CACNA2D3: variants seen among roughly 807,000 people sequenced by gnomAD.
CACNA2D3 encodes voltage-dependent calcium channel subunit alpha-2/delta-3.
A neutral mutation model predicts 160.6 loss-of-function variants in CACNA2D3; 60 were observed. That is an observed-to-expected ratio of 0.37 (90% CI 0.30 to 0.46). The LOEUF (loss-of-function observed/expected upper bound fraction) is 0.46, where lower values mean the gene tolerates loss of function less well. CACNA2D3 is among the 20% of genes least tolerant of loss of function. CACNA2D3 has a pLI of 1.00. For missense variants in CACNA2D3, 1,205 were observed against 1,365.0 expected, an observed-to-expected ratio of 0.88 and a Z score of 1.85; for synonymous variants, 558 against 492.9, an observed-to-expected ratio of 1.13 and a Z score of -1.75.
At chr3:55,022,225 T>C (rs1264726985) in intron 35 of CACNA2D3, among the ~76,000 whole-genome samples, 2 of 152,066 alleles carry the variant, frequency 1.3e-5, no homozygotes, top group Non-Finnish European at 2.9e-5. Context: ...ACCCTCTTTA[T>C]ACATGAAAGT....
rs756941725 is a variant in CACNA2D3, at chr3:55,038,907, T to TAC, written c.2987+20597_2987+20598dup. 6.0e-3 allele frequency among the ~76,000 whole-genome samples: 680 copies of TAC among 112,830 alleles called. 12 individuals are homozygous for TAC. Among genetic ancestry groups the TAC allele is most frequent in the African/African-American group, 0.019 (587 of 31,256 alleles). 74.0% of individuals were successfully genotyped at this position (112,830 alleles called of 152,430 possible). ...ATATATATATATATATATATATATA[T>TAC]ACACACACTGAATATATAAATATTA... On this transcript the variant is annotated intron_variant, in intron 35 of 37. Transcript: ENST00000474759.
intron 2 of CACNA2D3, among the ~76,000 whole-genome samples, chr3:54,215,247 A>G (rs1701439967): frequency 6.6e-6 from 1 of 152,240 alleles, no homozygotes; most frequent in Non-Finnish European, 1.5e-5. Flanking sequence ...ACACAATGTG[A>G]TGTTTTGATT....
intron 4 of CACNA2D3, among the ~76,000 whole-genome samples, chr3:54,461,615 T>A (rs1700506217): frequency 6.6e-6 from 1 of 151,882 alleles, no homozygotes; most frequent in Non-Finnish European, 1.5e-5. Flanking sequence ...GTGGAATCGG[T>A]GGTGATATCC....
intron 11 of CACNA2D3, among the ~76,000 whole-genome samples, chr3:54,679,082 C>CA (rs1301750645): frequency 6.6e-6 from 1 of 152,150 alleles, no homozygotes; most frequent in African/African-American, 2.4e-5. Context: ...GTCAGCCAGG[C>CA]AGCCCCTCTC....
chr3:54,809,520 T>A (rs1451745077), intron 13 of CACNA2D3, among the ~76,000 whole-genome samples: 2 of 144,612 alleles, frequency 1.4e-5, no homozygotes, highest in East Asian at 4.0e-4. Flanking sequence ...GGGTTTCACC[T>A]TGTTAGCCAG....
intron 3 of CACNA2D3, among the ~76,000 whole-genome samples, chr3:54,376,106 G>A (rs539160881): frequency 1.3e-5 from 2 of 152,076 alleles, no homozygotes; most frequent in East Asian, 1.9e-4. Flanking sequence ...GAGACCTCCC[G>A]CTGCACACAG....
At chr3:54,807,012 T>C (rs1429118863) in intron 13 of CACNA2D3, among the ~76,000 whole-genome samples, 1 of 152,204 alleles carries the variant, frequency 6.6e-6, no homozygotes, top group Non-Finnish European at 1.5e-5. Flanking sequence ...TGGAGAAAGC[T>C]GAAACTGGAT....
In CACNA2D3 at chr3:54,547,555, G is replaced by A. The variant is rs143943468; in HGVS notation, c.545-15245G>A. 4.6e-4 allele frequency among the ~76,000 whole-genome samples: 70 copies of A among 151,900 alleles called. No individual in the cohort carries two copies. In the Middle Eastern group the frequency reaches 0.01, roughly 22 times the overall value. The stretch of plus-strand genomic sequence containing the variant: ...GAGAGCTAGAAATGCCCTTTGTTAC[G>A]TGGCCACATCTACAGTTTTATGTTT... On this transcript the variant is annotated intron_variant, in intron 5 of 37. Coordinates refer to ENST00000474759, the MANE Select transcript of CACNA2D3 (RefSeq NM_018398.3).
intron 2 of CACNA2D3, among the ~76,000 whole-genome samples, chr3:54,319,200 ACCC>A (rs1559448357): frequency 2.5e-4 from 26 of 105,006 alleles, no homozygotes; most frequent in African/African-American, 8.7e-4. Context: ...ACACACACAC[ACCC>A]TTCCTCGAGT....
intron 4 of CACNA2D3, among the ~76,000 whole-genome samples, chr3:54,421,058 C>G (rs1396434257): frequency 6.6e-6 from 1 of 152,172 alleles, no homozygotes; most frequent in African/African-American, 2.4e-5. Flanking sequence ...TCTGTATTTC[C>G]TAGTCACCCT....
chr3:54,381,901 T>C (rs186328489), intron 3 of CACNA2D3, among the ~76,000 whole-genome samples: 2 of 152,344 alleles, frequency 1.3e-5, no homozygotes, highest in East Asian at 1.9e-4. Flanking sequence ...GTGCATCAAC[T>C]CATGAATTAC....
intron 11 of CACNA2D3, among the ~76,000 whole-genome samples, chr3:54,716,167 T>C (rs1701046657): frequency 6.6e-6 from 1 of 152,190 alleles, no homozygotes; most frequent in African/African-American, 2.4e-5. Context: ...AAAATAATAC[T>C]ATGTTCCCAT....
At chr3:54,808,215 T>A (rs551527353) in intron 13 of CACNA2D3, among the ~76,000 whole-genome samples, 3 of 152,096 alleles carry the variant, frequency 2.0e-5, no homozygotes, top group East Asian at 3.9e-4. Context: ...TAATAATTTT[T>A]AAAAAATAAA....
chr3:55,030,028 A>ATTC (rs1457642259), intron 35 of CACNA2D3, among the ~76,000 whole-genome samples: 1 of 152,130 alleles, frequency 6.6e-6, no homozygotes, highest in Non-Finnish European at 1.5e-5. Flanking sequence ...CAGTGGTCAT[A>ATTC]TTCTTCCCTT....
At chr3:54,417,465 T>C (rs1699771140) in intron 4 of CACNA2D3, among the ~76,000 whole-genome samples, 1 of 152,214 alleles carries the variant, frequency 6.6e-6, no homozygotes, top group Non-Finnish European at 1.5e-5. Context: ...TCTTTCCTGA[T>C]CTAGAATTAT....
intron 4 of CACNA2D3, among the ~76,000 whole-genome samples, chr3:54,439,772 G>C (rs1700114798): frequency 6.6e-6 from 1 of 152,126 alleles, no homozygotes; most frequent in African/African-American, 2.4e-5. Context: ...CTCATGATGG[G>C]AGACTGAGTC....
At chr3:54,871,243 A>G (rs1699528076) in intron 17 of CACNA2D3, among the ~76,000 whole-genome samples, 1 of 150,632 alleles carries the variant, frequency 6.6e-6, no homozygotes, top group East Asian at 1.9e-4. Flanking sequence ...CAAGGAGGGG[A>G]CAGATTTTCC....
At chr3:54,880,712 A>G (rs983915861) in intron 20 of CACNA2D3, 84 bp from the exon 21 acceptor site, 2 of 1,193,104 alleles carry the variant, frequency 1.7e-6, no homozygotes, top group Admixed American at 1.8e-5. Flanking sequence ...AAATGTGAAA[A>G]ATGGAAAATT....
At chr3:54,324,530 T>A (rs186990891) in intron 3 of CACNA2D3, among the ~76,000 whole-genome samples, 186 of 152,278 alleles carry the variant, frequency 1.2e-3, no homozygotes, top group African/African-American at 4.3e-3. Flanking sequence ...ACTAATATTT[T>A]CTAGTTCTTT....
Sources: allele counts gnomAD v4.1 joint callset (sites outside exome capture counted in the v4.1 genomes callset), GRCh38; gene constraint gnomAD v4.1.1; transcripts MANE v1.5; gene names NCBI Gene and HGNC (gene_info 2026-07-23, HGNC 2026-07-21).